The following PTPRZ1 variants were observed in gnomAD, a reference collection of about 807,000 sequenced individuals.
PTPRZ1 encodes the protein receptor-type tyrosine-protein phosphatase zeta.
A neutral mutation model predicts 214.1 loss-of-function variants in PTPRZ1; 82 were observed. The ratio of observed to expected loss-of-function variants is 0.38; its 90% CI spans 0.32 to 0.46. PTPRZ1 has a LOEUF of 0.46. Ranked by LOEUF, PTPRZ1 falls within the 20% of genes least tolerant of loss-of-function variation. The pLI is 1.00. For synonymous variants in PTPRZ1, 945 were observed against 987.9 expected (o/e 0.96, Z 0.81); for missense variants, 2,603 against 2,748.7 (o/e 0.95, Z 1.19).
At chr7:121,970,521 G>A (rs1797205551) in intron 3 of PTPRZ1, among the ~76,000 whole-genome samples, 1 of 152,140 alleles carries the variant, frequency 6.6e-6, no homozygotes, top group Non-Finnish European at 1.5e-5. Flanking sequence ...ATATCTCATT[G>A]TGGTTTTGAT....
chr7:122,045,474 G>T (rs563334508), intron 23 of PTPRZ1, among the ~76,000 whole-genome samples: 2 of 152,022 alleles, frequency 1.3e-5, no homozygotes, highest in Non-Finnish European at 2.9e-5. Context: ...TTACTGCACG[G>T]TGTGCCTTTG....
At chr7:121,983,285 A>G (rs1225158157) in intron 6 of PTPRZ1, among the ~76,000 whole-genome samples, 1 of 152,332 alleles carries the variant, frequency 6.6e-6, no homozygotes. Context: ...CTTAAATATG[A>G]TGACTAGTAC....
At chr7:122,047,889 A>G (rs554454814) in intron 23 of PTPRZ1, among the ~76,000 whole-genome samples, 4 of 152,242 alleles carry the variant, frequency 2.6e-5, no homozygotes, top group African/African-American at 9.6e-5. Context: ...CCTGAGCTCA[A>G]TCGATCTGCC....
chr7:121,979,727 C>T (rs1797545396), intron 6 of PTPRZ1, among the ~76,000 whole-genome samples: 1 of 152,126 alleles, frequency 6.6e-6, no homozygotes, highest in Admixed American at 6.5e-5. Context: ...ATGACTGACC[C>T]CAAATAGAGC....
intron 14 of PTPRZ1, among the ~76,000 whole-genome samples, chr7:122,029,620 A>G (rs1799314940): frequency 6.6e-6 from 1 of 151,940 alleles, no homozygotes; most frequent in African/African-American, 2.4e-5. Flanking sequence ...GATGCTCCAT[A>G]TTCCATTGCT....
intron 6 of PTPRZ1, among the ~76,000 whole-genome samples, chr7:121,982,129 A>G (rs563189785): frequency 1.2e-4 from 19 of 152,306 alleles, no homozygotes; most frequent in African/African-American, 4.6e-4. Context: ...TTCAATTGAT[A>G]TAGCACTGTT....
intron 2 of PTPRZ1, among the ~76,000 whole-genome samples, chr7:121,949,486 C>T (rs1415038727): frequency 1.3e-5 from 2 of 152,082 alleles, no homozygotes. Context: ...ATATTTTGCT[C>T]CATTCAAAAT....
At chr7:121,908,357 C>T (rs1250098181) in intron 1 of PTPRZ1, 2 of 237,222 alleles carry the variant, frequency 8.4e-6, no homozygotes, top group East Asian at 2.5e-4. Flanking sequence ...GTAGATCAAT[C>T]CCTTTGGAAA....
chr7:121,922,733 A>G (rs1052239775), intron 1 of PTPRZ1, among the ~76,000 whole-genome samples: 3 of 152,140 alleles, frequency 2.0e-5, no homozygotes, highest in African/African-American at 7.2e-5. Flanking sequence ...GTCTTGCTTC[A>G]AATTCTTTGG....
chr7:121,873,405 C>A lies in PTPRZ1; in HGVS notation c.-95C>A, dbSNP rs1461591825. On this transcript the variant is annotated 5_prime_UTR_variant, in exon 1 of 30. Transcript: ENST00000393386. ...CGATCTATACACTGGAGGATTAAAA[C>A]AAACAAACAAAAAAAACATTTCCTT... The A allele has an allele frequency of 8.0e-7, 1 of 1,254,218 alleles. No individual in the cohort carries two copies. Among genetic ancestry groups the A allele is most frequent in the Non-Finnish European group, 1.1e-6 (1 of 904,848 alleles). 77.7% of individuals were successfully genotyped at this position (1,254,218 alleles called of 1,614,324 possible). A position where few individuals can be genotyped will look rare whatever the true frequency, so the allele number is the denominator to read the frequency against.
At chr7:122,060,259 T>C (rs1792527071) in intron 29 of PTPRZ1, among the ~76,000 whole-genome samples, 1 of 152,172 alleles carries the variant, frequency 6.6e-6, no homozygotes, top group Non-Finnish European at 1.5e-5. Flanking sequence ...CAAAGTTATC[T>C]TCATGCACAT....
chr7:121,993,236 A>C (rs938404640), intron 8 of PTPRZ1, among the ~76,000 whole-genome samples: 1 of 152,128 alleles, frequency 6.6e-6, no homozygotes, highest in African/African-American at 2.4e-5. Context: ...TGTACTTTAC[A>C]GAGTAGGTAT....
intron 1 of PTPRZ1, chr7:121,908,483 G>T (rs1795179454): frequency 2.6e-6 from 1 of 380,074 alleles, no homozygotes; most frequent in Middle Eastern, 4.1e-4. Flanking sequence ...TTATATTTTA[G>T]TTTCTGCATA....
chr7:121,928,121 C>A, intron 1 of PTPRZ1, 35 bp from the exon 2 acceptor site: 1 of 1,472,936 alleles, frequency 6.8e-7, no homozygotes, highest in South Asian at 1.2e-5. Context: ...ATATATTTTT[C>A]TACATACTGA....
intron 12 of PTPRZ1, among the ~76,000 whole-genome samples, chr7:122,016,078 T>A (rs1798832499): frequency 6.6e-6 from 1 of 151,980 alleles, no homozygotes; most frequent in Non-Finnish European, 1.5e-5. Context: ...ATACTATAGA[T>A]AAGGCAAATA....
intron 2 of PTPRZ1, among the ~76,000 whole-genome samples, chr7:121,942,878 T>TTTAAGCAATTA (rs2116426925): frequency 6.6e-6 from 1 of 152,350 alleles, no homozygotes; most frequent in East Asian, 1.9e-4. Flanking sequence ...ATTAAACAGC[T>TTTAAGCAATTA]AGCAGCTGTT....
rs1023953276 is a variant in PTPRZ1 at position 122,013,667 on chromosome 7, G to T, written c.4621G>T (p.Ala1541Ser). Residue 1541 changes from alanine (A) to serine (S), a missense_variant, in exon 12 of 30, where the codon GCA (alanine) becomes TCA (serine). This residue lies in a region of PTPRZ1 where 1,913 missense variants were observed against 1,914.3 expected (regional missense o/e 1.00). Transcript: ENST00000393386. ...LPLSPESKAWAVLTSDEESGS... is the reference protein window; with the variant it reads ...LPLSPESKAWSVLTSDEESGS... ...TCTCAGCCCTGAATCTAAAGCATGG[G>T]CAGTTCTGACAAGTGATGAAGAAAG... The T allele has an allele frequency of 4.3e-6, 7 of 1,614,074 alleles. 1 individual carries two copies. The South Asian group carries it at 7.7e-5, about 18-fold the overall frequency.
At chr7:121,956,072 G>A (rs962487428) in intron 2 of PTPRZ1, among the ~76,000 whole-genome samples, 2 of 151,794 alleles carry the variant, frequency 1.3e-5, no homozygotes, top group Admixed American at 6.6e-5. Flanking sequence ...GCATCCTCTC[G>A]CCAGAACTTC....
intron 13 of PTPRZ1, among the ~76,000 whole-genome samples, chr7:122,019,889 C>G (rs1276506638): frequency 6.6e-6 from 1 of 152,094 alleles, no homozygotes; most frequent in Non-Finnish European, 1.5e-5. Context: ...CATAAAATTT[C>G]CATCCTGTGG....
Sources: gnomAD v4.1 joint callset for allele counts (sites outside exome capture counted in the v4.1 genomes callset) on GRCh38, gnomAD v4.1.1 for gene constraint, gnomAD v4.1.1 regional missense constraint, MANE v1.5 for transcripts, NCBI Gene and HGNC (gene_info 2026-07-23, HGNC 2026-07-21) for gene names.